The following RBFOX1 variants were observed in gnomAD, a reference collection of about 807,000 sequenced individuals.
RBFOX1 encodes RNA binding protein fox-1 homolog 1.
Under a neutral mutation model 57.7 loss-of-function variants are expected in RBFOX1, and 8 were observed. The observed-to-expected ratio is 0.14, with a 90% CI of 0.08 to 0.25. The LOEUF (loss-of-function observed/expected upper bound fraction) is 0.25, where lower values mean the gene tolerates loss of function less well. Ranked by LOEUF, RBFOX1 falls within the 10% of genes least tolerant of loss-of-function variation. The probability of loss-of-function intolerance (pLI) is 1.00; values close to 1 mark genes in which losing one functional copy is unlikely to be tolerated. For missense variants in RBFOX1, 611 were observed against 548.5 expected (o/e 1.11, Z -1.14); for synonymous variants, 326 against 222.4 (o/e 1.47, Z -4.15).
chr16:7,646,730 C>A (rs1317985938), intron 11 of RBFOX1, among the ~76,000 whole-genome samples: 1 of 152,258 alleles, frequency 6.6e-6, no homozygotes, highest in Non-Finnish European at 1.5e-5. Context: ...ACTCTTCCAT[C>A]TCCCCCAGAG....
At chr16:5,675,251 C>A (rs1466799928) in intron 3 of RBFOX1, among the ~76,000 whole-genome samples, 1 of 152,168 alleles carries the variant, frequency 6.6e-6, no homozygotes, top group Non-Finnish European at 1.5e-5. Context: ...CACCCACACA[C>A]ACATAGAAAG....
At chr16:7,143,456 G>C (rs927924391) in intron 4 of RBFOX1, among the ~76,000 whole-genome samples, 1 of 152,076 alleles carries the variant, frequency 6.6e-6, no homozygotes, top group Non-Finnish European at 1.5e-5. Flanking sequence ...CAGTAATTTA[G>C]AATCTGTCTG....
intron 1 of RBFOX1, among the ~76,000 whole-genome samples, chr16:6,065,934 C>G (rs886287694): frequency 1.3e-5 from 2 of 152,112 alleles, no homozygotes; most frequent in Non-Finnish European, 2.9e-5. Context: ...AGAAGGATTC[C>G]TAGTCTTGAT....
At chr16:6,499,545 G>C (rs2095858600) in intron 2 of RBFOX1, among the ~76,000 whole-genome samples, 1 of 152,110 alleles carries the variant, frequency 6.6e-6, no homozygotes, top group South Asian at 2.1e-4. Flanking sequence ...TTTTTCATCA[G>C]CATCTCCCGT....
At chr16:5,342,289 T>A (rs567767642) in intron 1 of RBFOX1, among the ~76,000 whole-genome samples, 1 of 152,278 alleles carries the variant, frequency 6.6e-6, no homozygotes, top group African/African-American at 2.4e-5. Context: ...CTTTAGAAGT[T>A]TGAACCCATC....
At chr16:7,014,438 G>A (rs1187686395) in intron 3 of RBFOX1, among the ~76,000 whole-genome samples, 1 of 150,888 alleles carries the variant, frequency 6.6e-6, no homozygotes, top group Non-Finnish European at 1.5e-5. Flanking sequence ...GTAGGGGTGG[G>A]GTTTTACCAT....
At chr16:5,972,106 C>T (rs192364550) in intron 4 of RBFOX1, among the ~76,000 whole-genome samples, 1 of 152,218 alleles carries the variant, frequency 6.6e-6, no homozygotes, top group African/African-American at 2.4e-5. Flanking sequence ...TTCTCCTGGG[C>T]CTCCAGCATG....
intron 4 of RBFOX1, among the ~76,000 whole-genome samples, chr16:7,287,867 G>C (rs570928063): frequency 6.6e-6 from 1 of 152,100 alleles, no homozygotes; most frequent in African/African-American, 2.4e-5. Context: ...CACCCATTTC[G>C]TGTGCATTTT....
chr16:6,692,872 C>T (rs2060413577), intron 3 of RBFOX1, among the ~76,000 whole-genome samples: 3 of 151,972 alleles, frequency 2.0e-5, no homozygotes, highest in Admixed American at 6.6e-5. Flanking sequence ...TCACCATCCT[C>T]ATCCATTACT....
intron 4 of RBFOX1, among the ~76,000 whole-genome samples, chr16:7,378,271 G>A (rs1191517083): frequency 6.6e-6 from 1 of 152,162 alleles, no homozygotes; most frequent in African/African-American, 2.4e-5. Flanking sequence ...CTGAGGGCAA[G>A]GAGGATCGGG....
At chr16:7,470,851 G>C (rs1407684170) in intron 4 of RBFOX1, among the ~76,000 whole-genome samples, 1 of 151,624 alleles carries the variant, frequency 6.6e-6, no homozygotes, top group African/African-American at 2.4e-5. Flanking sequence ...GGTTAAAGTA[G>C]CATTGAGCAT....
At chr16:6,254,672 A>G (rs2097649285) in intron 1 of RBFOX1, among the ~76,000 whole-genome samples, 1 of 152,208 alleles carries the variant, frequency 6.6e-6, no homozygotes, top group African/African-American at 2.4e-5. Flanking sequence ...AATGGGGGAA[A>G]GCAATACAAA....
chr16:6,621,471 A>AC (rs2098230410), intron 2 of RBFOX1, among the ~76,000 whole-genome samples: 1 of 125,680 alleles, frequency 8.0e-6, no homozygotes, highest in Non-Finnish European at 1.9e-5. Context: ...CTCAAAACAA[A>AC]CAAACAACAA....
At chr16:6,507,369 A>G (rs1377964618) in intron 2 of RBFOX1, among the ~76,000 whole-genome samples, 2 of 152,224 alleles carry the variant, frequency 1.3e-5, no homozygotes, top group Admixed American at 1.3e-4. Flanking sequence ...ATATTATTCA[A>G]CCTTAAAAGG....
intron 3 of RBFOX1, among the ~76,000 whole-genome samples, chr16:6,823,076 A>G (rs1309678303): frequency 6.6e-6 from 1 of 152,032 alleles, no homozygotes; most frequent in Non-Finnish European, 1.5e-5. Context: ...AATTATTTCC[A>G]TTTTACAGAT....
At chr16:5,382,480 G>A (rs910484408) in intron 1 of RBFOX1, among the ~76,000 whole-genome samples, 12 of 151,510 alleles carry the variant, frequency 7.9e-5, no homozygotes, top group African/African-American at 2.7e-4. Flanking sequence ...TGGAACTTCT[G>A]GAAAGTAGAA....
chr16:6,787,994 G>T (rs184899866), intron 3 of RBFOX1, among the ~76,000 whole-genome samples: 39 of 81,968 alleles, frequency 4.8e-4, no homozygotes, highest in Admixed American at 2.3e-3. Context: ...AGTCCGAGGT[G>T]GGGGGACCGC....
intron 3 of RBFOX1, among the ~76,000 whole-genome samples, chr16:5,643,795 T>C (rs552735394): frequency 6.6e-6 from 1 of 152,288 alleles, no homozygotes; most frequent in East Asian, 1.9e-4. Flanking sequence ...TCCACTACTG[T>C]CCCCTAATCA....
intron 1 of RBFOX1, among the ~76,000 whole-genome samples, chr16:5,370,657 T>A (rs2065834962): frequency 6.6e-6 from 1 of 151,714 alleles, no homozygotes; most frequent in Admixed American, 6.6e-5. Context: ...CACACTCAGC[T>A]ATTTTTTTTT....
Sources: allele counts gnomAD v4.1 joint callset (sites outside exome capture counted in the v4.1 genomes callset), GRCh38; gene constraint gnomAD v4.1.1; transcripts MANE v1.5; gene names NCBI Gene and HGNC (gene_info 2026-07-23, HGNC 2026-07-21).